Variants in TRPC4AP observed in about 807,000 individuals in gnomAD.
TRPC4AP encodes short transient receptor potential channel 4-associated protein.
A neutral mutation model predicts 99.0 loss-of-function variants in TRPC4AP; 45 were observed. The observed-to-expected ratio is 0.45, with a 90% CI of 0.36 to 0.58. The LOEUF is 0.58. Among genes scored for constraint, TRPC4AP ranks in the 20% least tolerant of loss-of-function variants. The pLI, the probability that TRPC4AP is intolerant of heterozygous loss-of-function variation, is 0.00. For synonymous variants in TRPC4AP, 408 were observed against 385.8 expected (o/e 1.06, Z -0.67); for missense variants, 879 against 985.3 (o/e 0.89, Z 1.44).
chr20:35,005,774 G>A lies in TRPC4AP; in HGVS notation c.1857C>T (p.Ser619=). The A allele has an allele frequency of 6.2e-7, 1 of 1,614,194 alleles. No individual in the cohort carries two copies. Among genetic ancestry groups the A allele is most frequent in the Non-Finnish European group, 8.5e-7 (1 of 1,180,002 alleles). The change falls in exon 16 of 19, where the codon AGC becomes AGT. Residue 619 remains serine (S), a synonymous_variant. Coordinates refer to ENST00000252015, the MANE Select transcript of TRPC4AP (RefSeq NM_015638.3). ...KFQVFLKQIN[S]SLVDSNMLVR... is the part of the protein sequence containing the mutation. ...CCAGCATGTTGGAGTCCACCAGGGA[G>A]CTGTTGATCTGCTTCAGGAATACCT...
chr20:35,024,261 A>C (rs759112669), intron 8 of TRPC4AP, among the ~76,000 whole-genome samples: 1 of 151,962 alleles, frequency 6.6e-6, no homozygotes, highest in African/African-American at 2.4e-5. Context: ...CAATTTTAGA[A>C]TATCTTCATC....
At chr20:35,037,640 G>A (rs2083351333) in intron 7 of TRPC4AP, among the ~76,000 whole-genome samples, 1 of 152,204 alleles carries the variant, frequency 6.6e-6, no homozygotes, top group Non-Finnish European at 1.5e-5. Context: ...ATTATGCCAA[G>A]TGAAAGAAAC....
chr20:35,021,907 T>C (rs1376041708), intron 8 of TRPC4AP, among the ~76,000 whole-genome samples: 1 of 152,238 alleles, frequency 6.6e-6, no homozygotes, highest in Non-Finnish European at 1.5e-5. Context: ...CTGATGCAGA[T>C]GAACATATTA....
chr20:35,008,826 G>C, intron 12 of TRPC4AP, 79 bp from the exon 13 acceptor site: 2 of 1,359,958 alleles, frequency 1.5e-6, no homozygotes, highest in Non-Finnish European at 2.1e-6. Context: ...TGCTGGCTTA[G>C]GCGGTGAAAA....
chr20:35,016,290 TC>T lies in TRPC4AP; in HGVS notation c.1219-152del, dbSNP rs60959870. The T allele has an allele frequency of 0.011, 10,018 of 875,564 alleles. 695 individuals are homozygous for T. The African/African-American group carries it at 0.15, about 13-fold the overall frequency. The allele number at this position is 875,564 out of a possible 1,614,324, so 54.2% of individuals were successfully genotyped here. On this transcript the variant is annotated intron_variant, in intron 9 of 18. Transcript: ENST00000252015. ...AGGGTCTGAAGAAAACATCCGTGTA[TC>T]CCCTATGCCCAGCACACACAAACCC...
Position 35,057,539 on chromosome 20 carries a change from G to T in TRPC4AP, c.447C>A (p.Ile149=). ...TTTTCAGTTTCTGTCCCCGGATAGA[G>T]ATCGTAGGCCTCATAAGAATTTCTA... ...LLVEILMRPT[I]SIRGQKLKIS... Residue 149 remains isoleucine (I), a synonymous_variant, in exon 4 of 19, where the codon ATC becomes ATA. Coordinates refer to ENST00000252015, the MANE Select transcript of TRPC4AP (RefSeq NM_015638.3). The T allele has an allele frequency of 1.2e-6, 2 of 1,612,616 alleles. No homozygotes were observed.
chr20:35,034,400 G>C (rs2083269897), intron 8 of TRPC4AP, among the ~76,000 whole-genome samples: 1 of 151,916 alleles, frequency 6.6e-6, no homozygotes, highest in Non-Finnish European at 1.5e-5. Flanking sequence ...TAGAATTCTT[G>C]GCCTCAAGTA....
intron 8 of TRPC4AP, among the ~76,000 whole-genome samples, chr20:35,033,291 A>T (rs1480775232): frequency 2.0e-5 from 3 of 152,136 alleles, no homozygotes; most frequent in Non-Finnish European, 2.9e-5. Context: ...TAGTTTAGTG[A>T]CTTGGTTAGA....
At position 35,006,489 on chromosome 20, in the gene TRPC4AP, C is replaced by T; in HGVS notation, c.1773G>A (p.Lys591=). Residue 591 remains lysine, a synonymous_variant, in exon 15 of 19, where the codon AAG becomes AAA. Coordinates refer to ENST00000252015, the MANE Select transcript of TRPC4AP (RefSeq NM_015638.3). ...SYFDLLGELM[K]FNVDAFKRFN... The stretch of plus-strand genomic sequence containing the variant: ...ATCTCTTGAATGCATCAACGTTGAA[C>T]TTCATCAGCTCCCCCAGGAGGTCAA... 1.2e-6 allele frequency: 2 copies of T among 1,614,214 alleles called. No individual in the cohort carries two copies. Among genetic ancestry groups the T allele is most frequent in the Non-Finnish European group, 1.7e-6 (2 of 1,180,040 alleles).
At chr20:35,011,478 G>A (rs943812848) in intron 11 of TRPC4AP, among the ~76,000 whole-genome samples, 18 of 152,148 alleles carry the variant, frequency 1.2e-4, no homozygotes, top group Non-Finnish European at 2.2e-4. Context: ...AGCTGCAGCT[G>A]CAGCTCAGTG....
At chr20:35,069,931 ACT>A (rs2084259722) in intron 2 of TRPC4AP, among the ~76,000 whole-genome samples, 1 of 151,838 alleles carries the variant, frequency 6.6e-6, no homozygotes, top group African/African-American at 2.4e-5. Flanking sequence ...ACAGAGGGAG[ACT>A]CTGTCATTAA....
chr20:35,008,809 GTCAT>G (rs556053918), intron 12 of TRPC4AP, 62 bp from the exon 13 acceptor site: 321 of 1,477,354 alleles, frequency 2.2e-4, no homozygotes, highest in Non-Finnish European at 2.9e-4. Flanking sequence ...CTGGGGATGG[GTCAT>G]TCTGCTGGCT....
chr20:35,048,045 CCTCA>C (rs1380154397), intron 6 of TRPC4AP, among the ~76,000 whole-genome samples: 6 of 152,250 alleles, frequency 3.9e-5, no homozygotes, highest in Admixed American at 2.6e-4. Flanking sequence ...CCACTCTCTC[CCTCA>C]CTATGGTATT....
At chr20:35,055,420 A>G (rs1425750365) in intron 4 of TRPC4AP, among the ~76,000 whole-genome samples, 2 of 152,338 alleles carry the variant, frequency 1.3e-5, no homozygotes, top group South Asian at 2.1e-4. Context: ...AACTTAATAT[A>G]TATGTGTATC....
chr20:35,084,465 T>C (rs1232058968), intron 1 of TRPC4AP, among the ~76,000 whole-genome samples: 1 of 133,830 alleles, frequency 7.5e-6, no homozygotes, highest in Non-Finnish European at 1.6e-5. Context: ...TATGTGTGTA[T>C]ATATGTATAT....
intron 7 of TRPC4AP, among the ~76,000 whole-genome samples, chr20:35,036,279 A>G (rs1327882244): frequency 6.6e-6 from 1 of 152,264 alleles, no homozygotes; most frequent in Non-Finnish European, 1.5e-5. Context: ...ACAGAAAAGA[A>G]GCCAAGAGCA....
chr20:35,091,377 T>C (rs1405164465), intron 1 of TRPC4AP, among the ~76,000 whole-genome samples: 1 of 152,172 alleles, frequency 6.6e-6, no homozygotes, highest in Non-Finnish European at 1.5e-5. Context: ...TCGTCCACAG[T>C]CCTCCATACA....
At position 35,070,095 on chromosome 20, in the gene TRPC4AP, A is replaced by G. The variant is rs118017677; in HGVS notation, c.298-683T>C. On this transcript the variant is annotated intron_variant, in intron 2 of 18. Transcript: ENST00000252015. Reference sequence around the variant, plus strand: ...GATCTCCAGCTGACAGCCAGCACCAACCTGCCAGGGATGTGAGAGAGACCA... The same window carrying G: ...GATCTCCAGCTGACAGCCAGCACCAGCCTGCCAGGGATGTGAGAGAGACCA... Among the ~76,000 whole-genome samples, 1,243 of 152,184 alleles carry G rather than the reference A, an allele frequency of 8.2e-3. 6 individuals carry two copies. The highest frequency in any genetic ancestry group is 0.012 in the Non-Finnish European group (787 of 68,008).
chr20:35,053,152 G>C (rs2083744433), intron 5 of TRPC4AP, among the ~76,000 whole-genome samples: 1 of 152,088 alleles, frequency 6.6e-6, no homozygotes, highest in Non-Finnish European at 1.5e-5. Context: ...ATGTACTTGG[G>C]ATAGCCATCA....
Sources: allele counts gnomAD v4.1 joint callset (sites outside exome capture counted in the v4.1 genomes callset), GRCh38; gene constraint gnomAD v4.1.1; transcripts MANE v1.5; gene names NCBI Gene and HGNC (gene_info 2026-07-23, HGNC 2026-07-21).